The following ARMH3 variants were observed in gnomAD, a reference collection of about 807,000 sequenced individuals.
ARMH3 encodes armadillo like helical domain containing 3.
ARMH3 carries 60 observed loss-of-function variants against 99.1 expected under a neutral mutation model. The observed-to-expected ratio is 0.61, with a 90% CI of 0.49 to 0.75. The LOEUF is 0.75. Ranked by LOEUF, ARMH3 falls within the 30% of genes least tolerant of loss-of-function variation. The pLI is 0.00. For synonymous variants in ARMH3, 285 were observed against 292.8 expected (o/e 0.97, Z 0.27); for missense variants, 679 against 843.1 (o/e 0.81, Z 2.41).
intron 22 of ARMH3, among the ~76,000 whole-genome samples, chr10:101,946,404 T>G (rs190320354): frequency 8.1e-4 from 123 of 152,142 alleles, no homozygotes; most frequent in Non-Finnish European, 5.9e-4. Flanking sequence ...CCCAGCACTT[T>G]GGAAGGCTGA....
rs1183301318 is a variant in ARMH3, at chr10:101,847,352, G to T, written c.*176C>A. 6.6e-6 allele frequency: 4 copies of T among 609,872 alleles called. No individual in the cohort carries two copies. 37.8% of individuals were successfully genotyped at this position (609,872 alleles called of 1,614,324 possible). On this transcript the variant is annotated 3_prime_UTR_variant, in exon 26 of 26. Transcript: ENST00000370033. ...TCCTCCCCAAATAAGATTATCCCTGGCTTGACCCTCCTGCCCCTGCTGCCC... is the reference window on the plus strand; with the variant it reads ...TCCTCCCCAAATAAGATTATCCCTGTCTTGACCCTCCTGCCCCTGCTGCCC...
chr10:101,874,984 C>A (rs1171430165), intron 24 of ARMH3, among the ~76,000 whole-genome samples: 3 of 152,074 alleles, frequency 2.0e-5, no homozygotes, highest in Non-Finnish European at 2.9e-5. Context: ...TCCATGAAGG[C>A]CTCAAGGGCA....
At chr10:101,963,064 G>C (rs1175724588) in intron 20 of ARMH3, among the ~76,000 whole-genome samples, 1 of 151,034 alleles carries the variant, frequency 6.6e-6, no homozygotes, top group Non-Finnish European at 1.5e-5. Flanking sequence ...CCACCTCCCG[G>C]GTTCAAGAGA....
intron 18 of ARMH3, 122 bp downstream of exon 18, chr10:101,991,847 A>G: frequency 9.6e-7 from 1 of 1,042,164 alleles, no homozygotes; most frequent in Non-Finnish European, 1.4e-6. Flanking sequence ...TAGGCCAGGG[A>G]AAAAACACAA....
intron 23 of ARMH3, among the ~76,000 whole-genome samples, chr10:101,936,591 CTA>C (rs1247242679): frequency 6.9e-6 from 1 of 144,852 alleles, no homozygotes; most frequent in Non-Finnish European, 1.5e-5. Flanking sequence ...AAAAAAAAAA[CTA>C]TGGCAATTTC....
intron 1 of ARMH3, among the ~76,000 whole-genome samples, chr10:102,044,862 G>A (rs897431605): frequency 5.9e-5 from 9 of 152,082 alleles, no homozygotes; most frequent in African/African-American, 1.4e-4. Context: ...CACACCAGGC[G>A]TGGTGGCTCA....
In ARMH3 at chr10:102,027,951, T is replaced by C. The variant is rs187817527; in HGVS notation, c.414+1687A>G. The stretch of plus-strand genomic sequence containing the variant: ...TGTCCAACACTGCAAATCATATATC[T>C]GATAAGGGACATATTCAGAATACGA... On this transcript the variant is annotated intron_variant, in intron 5 of 25. Coordinates refer to ENST00000370033, the MANE Select transcript of ARMH3 (RefSeq NM_024541.3). Among the ~76,000 whole-genome samples, 72 of 151,398 alleles carry C rather than the reference T, an allele frequency of 4.8e-4. No homozygotes were observed. In the Middle Eastern group the frequency reaches 0.01, roughly 21 times the overall value.
At chr10:102,049,939 T>C (rs1008170426) in intron 1 of ARMH3, among the ~76,000 whole-genome samples, 3 of 152,148 alleles carry the variant, frequency 2.0e-5, no homozygotes, top group Non-Finnish European at 4.4e-5. Flanking sequence ...TCTTTCTCTC[T>C]GGTAGCGCTT....
At chr10:101,941,261 A>G (rs1238517097) in intron 22 of ARMH3, among the ~76,000 whole-genome samples, 1 of 152,202 alleles carries the variant, frequency 6.6e-6, no homozygotes, top group Admixed American at 6.5e-5. Flanking sequence ...AGCAATACCT[A>G]TATGAAAGAA....
At chr10:101,996,838 C>T (rs938188055) in intron 15 of ARMH3, among the ~76,000 whole-genome samples, 1 of 152,128 alleles carries the variant, frequency 6.6e-6, no homozygotes, top group Non-Finnish European at 1.5e-5. Context: ...TAAGTCTATG[C>T]ATAGATATAC....
intron 19 of ARMH3, among the ~76,000 whole-genome samples, chr10:101,981,863 CA>C (rs1846246352): frequency 6.6e-6 from 1 of 150,914 alleles, no homozygotes; most frequent in African/African-American, 2.4e-5. Context: ...TCTAAAAATA[CA>C]AAAAATTAGC....
At chr10:101,863,024 A>G (rs961470384) in intron 24 of ARMH3, among the ~76,000 whole-genome samples, 1 of 152,024 alleles carries the variant, frequency 6.6e-6, no homozygotes, top group Non-Finnish European at 1.5e-5. Flanking sequence ...ACCAAGATGG[A>G]GAAACCCTGT....
chr10:101,936,596 G>A (rs1334311957), intron 23 of ARMH3, among the ~76,000 whole-genome samples: 1 of 151,432 alleles, frequency 6.6e-6, no homozygotes, highest in Non-Finnish European at 1.5e-5. Flanking sequence ...AAAAACTATG[G>A]CAATTTCTCA....
At chr10:101,949,531 A>G (rs1204337701) in intron 22 of ARMH3, among the ~76,000 whole-genome samples, 1 of 152,140 alleles carries the variant, frequency 6.6e-6, no homozygotes, top group Admixed American at 6.5e-5. Context: ...TGCTAAATAG[A>G]TAACTTAAAT....
chr10:101,975,003 T>C (rs1014965558), intron 20 of ARMH3, among the ~76,000 whole-genome samples: 6 of 90,774 alleles, frequency 6.6e-5, no homozygotes, highest in Non-Finnish European at 1.0e-4. Flanking sequence ...AAGTAAAGAA[T>C]AGACATGTGA....
chr10:101,990,537 A>G lies in ARMH3; in HGVS notation c.1406+14T>C. 7 of 1,523,856 alleles carry G rather than the reference A, an allele frequency of 4.6e-6. No homozygotes were observed. Among genetic ancestry groups the G allele is most frequent in the Non-Finnish European group, 6.4e-6 (7 of 1,099,850 alleles). The allele number at this position is 1,523,856 out of a possible 1,614,324, so 94.4% of individuals were successfully genotyped here. A position where few individuals can be genotyped will look rare whatever the true frequency, so the allele number is the denominator to read the frequency against. On this transcript the variant is annotated intron_variant, in intron 19 of 25. Coordinates refer to ENST00000370033, the MANE Select transcript of ARMH3 (RefSeq NM_024541.3). ...AGATTTGTACACATTAAATGTGTAC[A>G]TATTTGTACTTACATATAGAGATCC...
intron 23 of ARMH3, among the ~76,000 whole-genome samples, chr10:101,932,304 G>C (rs1371500716): frequency 1.3e-5 from 2 of 152,180 alleles, no homozygotes; most frequent in Non-Finnish European, 2.9e-5. Context: ...CAAGTGTTGG[G>C]AAGAATGTGA....
chr10:102,000,404 G>C (rs2066326386), intron 15 of ARMH3, among the ~76,000 whole-genome samples: 1 of 151,964 alleles, frequency 6.6e-6, no homozygotes, highest in African/African-American at 2.4e-5. Context: ...TCAGGCCTTG[G>C]GGCAAGAGGA....
intron 2 of ARMH3, among the ~76,000 whole-genome samples, chr10:102,039,653 A>G (rs1433159585): frequency 6.6e-6 from 1 of 152,348 alleles, no homozygotes; most frequent in Admixed American, 6.5e-5. Context: ...TTCTAGGTCC[A>G]AAAGAAACTT....
Sources: allele counts gnomAD v4.1 joint callset (sites outside exome capture counted in the v4.1 genomes callset), GRCh38; gene constraint gnomAD v4.1.1; transcripts MANE v1.5; gene names NCBI Gene and HGNC (gene_info 2026-07-23, HGNC 2026-07-21).